The following ZHX2 variants were observed in gnomAD, a reference collection of about 807,000 sequenced individuals.
The protein encoded by ZHX2 is zinc fingers and homeoboxes 2.
ZHX2 carries 6 observed loss-of-function variants against 21.9 expected under a neutral mutation model. The ratio of observed to expected loss-of-function variants is 0.27; its 90% CI spans 0.15 to 0.54. The LOEUF (loss-of-function observed/expected upper bound fraction) is 0.54, where lower values mean the gene tolerates loss of function less well. Among genes scored for constraint, ZHX2 ranks in the 20% least tolerant of loss-of-function variants. The pLI, the probability that ZHX2 is intolerant of heterozygous loss-of-function variation, is 0.95. For synonymous variants in ZHX2, 434 were observed against 437.1 expected (o/e 0.99, Z 0.09); for missense variants, 908 against 1,090.7 (o/e 0.83, Z 2.36).
At chr8:122,853,725 G>T (rs551665510) in intron 1 of ZHX2, among the ~76,000 whole-genome samples, 1 of 151,822 alleles carries the variant, frequency 6.6e-6, no homozygotes, top group Non-Finnish European at 1.5e-5. Context: ...GACAAACACC[G>T]CCTTCTCCAT....
chr8:122,830,607 G>A (rs191764433), intron 1 of ZHX2, among the ~76,000 whole-genome samples: 22 of 152,262 alleles, frequency 1.4e-4, no homozygotes, highest in Admixed American at 3.9e-4. Context: ...CAGGAGCATC[G>A]CCTGCATTGT....
At chr8:122,785,635 G>A (rs1472058088) in intron 1 of ZHX2, among the ~76,000 whole-genome samples, 1 of 152,226 alleles carries the variant, frequency 6.6e-6, no homozygotes, top group Non-Finnish European at 1.5e-5. Flanking sequence ...AGTATTTTTA[G>A]TTGGACCCAT....
At chr8:122,838,421 C>T (rs1160974838) in intron 1 of ZHX2, among the ~76,000 whole-genome samples, 1 of 152,100 alleles carries the variant, frequency 6.6e-6, no homozygotes, top group African/African-American at 2.4e-5. Context: ...ATGTCAGTCC[C>T]AGCGTGTTTA....
rs191092126 is a variant in ZHX2, at chr8:122,792,071, G to A, written c.-283+10125G>A. ...CAACCATTACCACAATGTGACTTTA[G>A]AACATTTTTATCACCCCAGAAAGAG... On this transcript the variant is annotated intron_variant, in intron 1 of 3. Transcript: ENST00000314393. Among the ~76,000 whole-genome samples, 35 of 152,172 alleles carry A rather than the reference G, an allele frequency of 2.3e-4. No individual in the cohort carries two copies. In the East Asian group the frequency reaches 5.2e-3, roughly 23 times the overall value.
At chr8:122,970,320 C>T (rs1312991633) in intron 3 of ZHX2, among the ~76,000 whole-genome samples, 1 of 152,252 alleles carries the variant, frequency 6.6e-6, no homozygotes, top group Non-Finnish European at 1.5e-5. Flanking sequence ...TCTGACAGCA[C>T]TATGCTCACT....
At chr8:122,940,537 G>A (rs549302644) in intron 2 of ZHX2, among the ~76,000 whole-genome samples, 3 of 152,260 alleles carry the variant, frequency 2.0e-5, no homozygotes, top group East Asian at 1.9e-4. Flanking sequence ...AGCAGGCGGC[G>A]TGAAGCAGCC....
intron 3 of ZHX2, among the ~76,000 whole-genome samples, chr8:122,971,963 T>C (rs1036975925): frequency 1.3e-5 from 2 of 152,240 alleles, no homozygotes; most frequent in Non-Finnish European, 2.9e-5. Flanking sequence ...GGTTGCTTCC[T>C]TCTGAAGGCT....
At chr8:122,785,462 A>C (rs1817376285) in intron 1 of ZHX2, among the ~76,000 whole-genome samples, 2 of 152,214 alleles carry the variant, frequency 1.3e-5, no homozygotes, top group African/African-American at 4.8e-5. Flanking sequence ...TCAGGTTTGC[A>C]TTCCAAGAAA....
intron 2 of ZHX2, among the ~76,000 whole-genome samples, chr8:122,905,255 GT>G (rs1372203036): frequency 2.0e-5 from 3 of 152,212 alleles, no homozygotes; most frequent in African/African-American, 7.2e-5. Context: ...ATACTCAAAT[GT>G]TTGAAAACCA....
intron 2 of ZHX2, among the ~76,000 whole-genome samples, chr8:122,949,184 C>T (rs1813048848): frequency 1.3e-5 from 2 of 152,134 alleles, no homozygotes; most frequent in South Asian, 2.1e-4. Context: ...ATTAGCCTGG[C>T]GTGGTGGCGC....
intron 1 of ZHX2, among the ~76,000 whole-genome samples, chr8:122,851,186 A>G (rs926890549): frequency 5.3e-5 from 8 of 152,208 alleles, no homozygotes; most frequent in African/African-American, 1.9e-4. Flanking sequence ...TTGCAGACAG[A>G]ACGGCCAAGA....
chr8:122,921,336 G>A (rs1183133978), intron 2 of ZHX2, among the ~76,000 whole-genome samples: 3 of 151,958 alleles, frequency 2.0e-5, no homozygotes, highest in Non-Finnish European at 2.9e-5. Flanking sequence ...CACCCACCTC[G>A]GCCTCCCAAA....
At chr8:122,878,354 T>C (rs1162333754) in intron 2 of ZHX2, among the ~76,000 whole-genome samples, 1 of 152,218 alleles carries the variant, frequency 6.6e-6, no homozygotes, top group Non-Finnish European at 1.5e-5. Context: ...TGATCTCAGT[T>C]TGGGTTGGGC....
At chr8:122,859,677 C>G (rs1416048728) in intron 1 of ZHX2, among the ~76,000 whole-genome samples, 1 of 152,100 alleles carries the variant, frequency 6.6e-6, no homozygotes, top group African/African-American at 2.4e-5. Context: ...GTGGTCTTTG[C>G]CCTGACACAG....
chr8:122,939,509 A>G (rs1217283817), intron 2 of ZHX2, among the ~76,000 whole-genome samples: 1 of 152,160 alleles, frequency 6.6e-6, no homozygotes, highest in African/African-American at 2.4e-5. Flanking sequence ...CAGTGGAGGG[A>G]GACAGGAGTT....
At chr8:122,958,313 C>T (rs1233932712) in intron 3 of ZHX2, among the ~76,000 whole-genome samples, 2 of 152,194 alleles carry the variant, frequency 1.3e-5, no homozygotes, top group African/African-American at 2.4e-5. Flanking sequence ...TGTGTCTGAA[C>T]AATGTTTGAG....
In ZHX2 at chr8:122,951,867, C is replaced by T. The variant is rs568961771; in HGVS notation, c.357C>T (p.Thr119=). The change falls in exon 3 of 4, where the codon ACC becomes ACT. Residue 119 remains threonine, a synonymous_variant. Coordinates refer to ENST00000314393, the MANE Select transcript of ZHX2 (RefSeq NM_014943.5). ...LYVCAECNFT[T]KKYDSLSDHN... is the part of the protein sequence containing the mutation. ...TGTGTGCAGAATGTAACTTCACAAC[C>T]AAAAAGTACGACTCCCTATCCGACC... 1.2e-6 allele frequency: 2 copies of T among 1,613,942 alleles called. No homozygotes were observed. The highest frequency in any genetic ancestry group is 4.5e-5 in the East Asian group (2 of 44,888).
intron 1 of ZHX2, among the ~76,000 whole-genome samples, chr8:122,847,112 C>T (rs973452868): frequency 3.3e-5 from 5 of 152,166 alleles, no homozygotes; most frequent in Non-Finnish European, 5.9e-5. Flanking sequence ...GAATCAATTT[C>T]AAGTTGTGTT....
intron 2 of ZHX2, among the ~76,000 whole-genome samples, chr8:122,935,235 T>A (rs557967173): frequency 6.6e-6 from 1 of 152,196 alleles, no homozygotes; most frequent in African/African-American, 2.4e-5. Flanking sequence ...AAAGAAAAAC[T>A]TATTTCCATT....
Sources: gnomAD v4.1 joint callset for allele counts (sites outside exome capture counted in the v4.1 genomes callset) on GRCh38, gnomAD v4.1.1 for gene constraint, MANE v1.5 for transcripts, NCBI Gene and HGNC (gene_info 2026-07-23, HGNC 2026-07-21) for gene names.